Variants in NAT10 observed in about 807,000 individuals in gnomAD.
The protein encoded by NAT10 is N-acetyltransferase 10.
In NAT10, 109 loss-of-function variants were observed where a neutral mutation model predicts 132.2. The observed-to-expected ratio is 0.82, with a 90% CI of 0.71 to 0.97. The LOEUF is 0.97. NAT10 is among the 50% of genes least tolerant of loss of function. NAT10 has a pLI of 0.00. For missense variants in NAT10, 1,184 were observed against 1,263.4 expected (o/e 0.94, Z 0.95); for synonymous variants, 479 against 478.0 (o/e 1.00, Z -0.03).
Position 34,140,479 on chromosome 11 carries a change from G to A in NAT10, c.2499G>A (p.Val833=), listed in dbSNP as rs765270407. The A allele has an allele frequency of 1.2e-6, 2 of 1,614,186 alleles. No homozygotes were observed. The highest frequency in any genetic ancestry group is 1.7e-6 in the Non-Finnish European group (2 of 1,180,030). Residue 833 remains valine (V), a synonymous_variant, in exon 24 of 29, where the codon GTG becomes GTA. Transcript: ENST00000257829. ...KRLEMYSRNM[V]DYHLIMDMIP... ...TGGAGATGTATTCACGGAATATGGT[G>A]GACTATCACCTCATCATGGACATGA...
chr11:34,127,279 C>T (rs1852012968), intron 11 of NAT10, among the ~76,000 whole-genome samples, 184 bp from the exon 12 acceptor site: 1 of 152,138 alleles, frequency 6.6e-6, no homozygotes, highest in African/African-American at 2.4e-5. Context: ...TCTCTGAACC[C>T]AGGTGTCTGA....
At chr11:34,132,939 C>T in intron 15 of NAT10, 87 bp from the exon 16 acceptor site, 1 of 1,009,222 alleles carries the variant, frequency 9.9e-7, no homozygotes, top group Non-Finnish European at 1.6e-6. Context: ...GGCCATACTG[C>T]AGTCATCCTG....
intron 23 of NAT10, 35 bp from the exon 24 acceptor site, chr11:34,140,365 G>T: frequency 6.3e-7 from 1 of 1,592,082 alleles, no homozygotes; most frequent in South Asian, 1.1e-5. Context: ...GGCGCCGGGT[G>T]ACCTAACCTG....
intron 24 of NAT10, 115 bp from the exon 25 acceptor site, chr11:34,140,974 C>A: frequency 7.3e-7 from 1 of 1,378,138 alleles, no homozygotes; most frequent in Non-Finnish European, 1.0e-6. Context: ...ATACACAGTG[C>A]TAGTCTACCT....
chr11:34,130,688 A>T, intron 12 of NAT10, 125 bp from the exon 13 acceptor site: 1 of 1,259,194 alleles, frequency 7.9e-7, no homozygotes, highest in South Asian at 1.4e-5. Context: ...TTCAGAGATG[A>T]GCAAGGCTGT....
intron 8 of NAT10, among the ~76,000 whole-genome samples, chr11:34,119,212 C>T (rs1346829812): frequency 6.6e-6 from 1 of 152,202 alleles, no homozygotes; most frequent in Non-Finnish European, 1.5e-5. Flanking sequence ...CTTGGCTTCT[C>T]TGGTGGTTCC....
At chr11:34,126,423 G>A (rs1178195952) in intron 11 of NAT10, among the ~76,000 whole-genome samples, 2 of 152,170 alleles carry the variant, frequency 1.3e-5, no homozygotes, top group African/African-American at 4.8e-5. Flanking sequence ...CAAGATCTAT[G>A]CAGATTAAAG....
chr11:34,131,434 G>T lies in NAT10; in HGVS notation c.1423G>T (p.Asp475Tyr). ...GGAGTCAATCCGATACGCCCCTGGG[G>T]ATGCAGTGGAGAAGTGGCTGAATGA... ...LQESIRYAPG[D>Y]AVEKWLNDLL... The change falls in exon 14 of 29, where the codon GAT becomes TAT. Residue 475 changes from aspartate to tyrosine, a missense_variant. Asp to Tyr is a radical substitution (Grantham distance 160). Coordinates refer to ENST00000257829, the MANE Select transcript of NAT10 (RefSeq NM_024662.3). The T allele has an allele frequency of 3.1e-6, 5 of 1,614,168 alleles. No homozygotes were observed. Among genetic ancestry groups the T allele is most frequent in the Non-Finnish European group, 4.2e-6 (5 of 1,180,038 alleles).
intron 27 of NAT10, 126 bp from the exon 28 acceptor site, chr11:34,143,319 G>A: frequency 1.3e-6 from 1 of 796,414 alleles, no homozygotes; most frequent in South Asian, 1.8e-5. Flanking sequence ...TTCAAATGCT[G>A]ACACAGCTCA....
intron 11 of NAT10, among the ~76,000 whole-genome samples, chr11:34,125,550 T>A (rs1156976693): frequency 6.6e-6 from 1 of 152,198 alleles, no homozygotes; most frequent in Non-Finnish European, 1.5e-5. Flanking sequence ...AGATAAAAGT[T>A]GGCTTCACCT....
rs946315602 is a variant in NAT10 at position 34,142,345 on chromosome 11, C to A, written c.2882C>A (p.Ser961Tyr). 2 of 1,613,954 alleles carry A rather than the reference C, an allele frequency of 1.2e-6. No homozygotes were observed. Among genetic ancestry groups the A allele is most frequent in the Non-Finnish European group, 1.7e-6 (2 of 1,179,886 alleles). ...GGGAAGCTGAAGAGCATGGACCTCT[C>A]TGAGTAAGGCTTGTGGGAAGCAGAG... ...EVGKLKSMDLSEYIIRGDDEE... is the reference protein window; with the variant it reads ...EVGKLKSMDLYEYIIRGDDEE... The change falls in exon 27 of 29, where the codon TCT (serine) becomes TAT (tyrosine). Residue 961 changes from serine (S) to tyrosine (Y), a missense_variant. By Grantham distance (144) the Ser-to-Tyr change is moderately radical. Coordinates refer to ENST00000257829, the MANE Select transcript of NAT10 (RefSeq NM_024662.3).
At chr11:34,110,212 T>C (rs1851669154) in intron 3 of NAT10, among the ~76,000 whole-genome samples, 1 of 152,154 alleles carries the variant, frequency 6.6e-6, no homozygotes. Flanking sequence ...GATTCTGTCC[T>C]TGAGCCTCTT....
chr11:34,109,621 TG>T (rs1851658310), intron 3 of NAT10, among the ~76,000 whole-genome samples: 1 of 152,218 alleles, frequency 6.6e-6, no homozygotes, highest in Non-Finnish European at 1.5e-5. Context: ...TTTGAAGCTG[TG>T]GTAGTCAAGA....
chr11:34,135,171 C>T lies in NAT10; in HGVS notation c.1912-4C>T. On this transcript the variant is annotated splice_region_variant and splice_polypyrimidine_tract_variant and intron_variant, in intron 18 of 28. Coordinates refer to ENST00000257829, the MANE Select transcript of NAT10 (RefSeq NM_024662.3). ...GGCCTCTTCCCCTTCACGTTTGCTC[C>T]TAGATGGGCTATGGCAGCCGTGCTC... 6.2e-7 allele frequency: 1 copy of T among 1,613,252 alleles called. No individual in the cohort carries two copies. Among genetic ancestry groups the T allele is most frequent in the Non-Finnish European group, 8.5e-7 (1 of 1,179,274 alleles).
rs1851706842 is a variant in NAT10, at chr11:34,112,142, A to G, written c.291A>G (p.Ile97Met). 2 of 1,614,126 alleles carry G rather than the reference A, an allele frequency of 1.2e-6. No individual in the cohort carries two copies. The highest frequency in any genetic ancestry group is 1.3e-5 in the African/African-American group (1 of 74,940). ...IKQDDPFELF[I>M]AATNIRYCYY... ...AGGACGACCCCTTTGAACTCTTCAT[A>G]GCAGCCACAAACATTCGCTACTGCT... The change falls in exon 4 of 29, where the codon ATA becomes ATG. Residue 97 changes from isoleucine (I) to methionine (M), a missense_variant. Ile to Met is a conservative substitution (Grantham distance 10). Coordinates refer to ENST00000257829, the MANE Select transcript of NAT10 (RefSeq NM_024662.3).
At chr11:34,129,801 G>T (rs1235770821) in intron 12 of NAT10, among the ~76,000 whole-genome samples, 1 of 151,420 alleles carries the variant, frequency 6.6e-6, no homozygotes, top group Non-Finnish European at 1.5e-5. Flanking sequence ...TGGAGACGGG[G>T]TTTCACCATG....
At chr11:34,129,407 A>G (rs79396490) in intron 12 of NAT10, among the ~76,000 whole-genome samples, 9,653 of 152,150 alleles carry the variant, frequency 0.063, 390 homozygotes, top group Non-Finnish European at 0.092. Context: ...ACATGTGCGT[A>G]TTGGCCACTC....
At chr11:34,115,125 C>T (rs773987902) in intron 5 of NAT10, among the ~76,000 whole-genome samples, 31 of 152,328 alleles carry the variant, frequency 2.0e-4, no homozygotes, top group Middle Eastern at 6.8e-3. Flanking sequence ...CACTGCACTC[C>T]AGCCTGGGCA....
At position 34,108,162 on chromosome 11, in the gene NAT10, C is replaced by T. The variant is rs1851628939; in HGVS notation, c.-15-49C>T. The T allele has an allele frequency of 2.3e-6, 3 of 1,315,936 alleles. No homozygotes were observed. In the Admixed American group the frequency reaches 5.1e-5, roughly 22 times the overall value. 81.5% of individuals were successfully genotyped at this position (1,315,936 alleles called of 1,614,324 possible). On this transcript the variant is annotated intron_variant, in intron 1 of 28. Transcript: ENST00000257829. ...CCACAAAAGGCAGCCAGCTAATGTTCCTTAGACAATCTAGTGCGCATGGCC... is the reference window on the plus strand; with the variant it reads ...CCACAAAAGGCAGCCAGCTAATGTTTCTTAGACAATCTAGTGCGCATGGCC...
Sources: allele counts gnomAD v4.1 joint callset (sites outside exome capture counted in the v4.1 genomes callset), GRCh38; gene constraint gnomAD v4.1.1; transcripts MANE v1.5; gene names NCBI Gene and HGNC (gene_info 2026-07-23, HGNC 2026-07-21).